SLCO3A1: variants seen among roughly 807,000 people sequenced by gnomAD.
SLCO3A1 encodes solute carrier organic anion transporter family member 3A1.
SLCO3A1 carries 27 observed loss-of-function variants against 63.1 expected under a neutral mutation model. The ratio of observed to expected loss-of-function variants is 0.43; its 90% confidence interval spans 0.32 to 0.59. The LOEUF is 0.59. Ranked by LOEUF, SLCO3A1 falls within the 20% of genes least tolerant of loss-of-function variation. The probability of loss-of-function intolerance (pLI) is 0.09; values close to 1 mark genes in which losing one functional copy is unlikely to be tolerated. For synonymous variants in SLCO3A1, 473 were observed against 409.9 expected, an observed-to-expected ratio of 1.15 and a Z score of -1.86; for missense variants, 773 against 945.8, an observed-to-expected ratio of 0.82 and a Z score of 2.40.
rs572616172 is a variant in SLCO3A1 at position 91,900,403 on chromosome 15, C to G, written c.181-15590C>G. On this transcript the variant is annotated intron_variant, in intron 1 of 9. Coordinates refer to ENST00000318445, the MANE Select transcript of SLCO3A1 (RefSeq NM_013272.4). The surrounding 1 kb of genome is among the most constrained non-coding windows in gnomAD (Gnocchi z 4.3). ...GGAGTGCAGTGGTGTGATCTCAGCT[C>G]ACTGCAACCTCCACTTCCTGGGTTC... 6.6e-6 allele frequency among the ~76,000 whole-genome samples: 1 copy of G among 152,312 alleles called. No individual in the cohort carries two copies. Among genetic ancestry groups the G allele is most frequent in the South Asian group, 2.1e-4 (1 of 4,826 alleles).
intron 2 of SLCO3A1, among the ~76,000 whole-genome samples, chr15:92,016,483 A>T (rs2046439321): frequency 6.6e-6 from 1 of 152,152 alleles, no homozygotes; most frequent in Admixed American, 6.5e-5. Flanking sequence ...AAAGGAAGGA[A>T]TGTCGTCCTG....
At chr15:91,938,718 C>T (rs1055990689) in intron 2 of SLCO3A1, among the ~76,000 whole-genome samples, 2 of 152,080 alleles carry the variant, frequency 1.3e-5, no homozygotes, top group Admixed American at 6.6e-5. Flanking sequence ...TGTGGTGATG[C>T]GGGATTTGAA....
At chr15:91,867,413 A>G (rs745957435) in intron 1 of SLCO3A1, among the ~76,000 whole-genome samples, 2 of 152,236 alleles carry the variant, frequency 1.3e-5, no homozygotes, top group Non-Finnish European at 2.9e-5. Flanking sequence ...CTGAGGACAA[A>G]ATGACACCTC....
chr15:92,164,651 T>C lies in SLCO3A1; in HGVS notation c.*1516T>C. ...AATAGACCCACAAGCTCCTGGAAGC[T>C]GTCGTGTGTCCAATGCGTGAAAATG... On this transcript the variant is annotated 3_prime_UTR_variant, in exon 10 of 10. Transcript: ENST00000318445. The C allele has an allele frequency of 1.0e-6, 1 of 985,412 alleles. No individual in the cohort carries two copies. The highest frequency in any genetic ancestry group is 4.7e-5 in the South Asian group (1 of 21,290). The allele number at this position is 985,412 out of a possible 1,614,324, so 61.0% of individuals were successfully genotyped here. A position where few individuals can be genotyped will look rare whatever the true frequency, so the allele number is the denominator to read the frequency against.
At chr15:92,152,223 G>C (rs1449028730) in intron 9 of SLCO3A1, among the ~76,000 whole-genome samples, 2 of 152,230 alleles carry the variant, frequency 1.3e-5, no homozygotes, top group African/African-American at 2.4e-5. Flanking sequence ...ATATATGAAA[G>C]AAAAATATTA....
intron 2 of SLCO3A1, among the ~76,000 whole-genome samples, chr15:91,926,945 TG>T (rs1450006722): frequency 1.3e-5 from 2 of 152,160 alleles, no homozygotes; most frequent in African/African-American, 4.8e-5. Flanking sequence ...ACAGGCATTT[TG>T]GGGTGAGATA....
intron 2 of SLCO3A1, among the ~76,000 whole-genome samples, chr15:91,995,733 GA>G (rs34688452): frequency 0.039 from 3,131 of 79,748 alleles, 94 homozygotes; most frequent in African/African-American, 0.12. Context: ...AGATTTTCTT[GA>G]AAAAAAAAAA....
rs1345679014 is a variant in SLCO3A1, at chr15:92,162,871, A to G, written c.1869A>G (p.Arg623=). The G allele has an allele frequency of 1.2e-6, 2 of 1,614,184 alleles. No individual in the cohort carries two copies. Among genetic ancestry groups the G allele is most frequent in the South Asian group, 1.1e-5 (1 of 91,074 alleles). ...TCCTCTACGACAATGTGGTCTACCGATACCTGTATGTCAGCATCGCCATCG... is the reference window on the plus strand; with the variant it reads ...TCCTCTACGACAATGTGGTCTACCGGTACCTGTATGTCAGCATCGCCATCG... ...ACVLYDNVVY[R]YLYVSIAIAL... The change falls in exon 10 of 10, where the codon CGA becomes CGG. Residue 623 remains arginine (R), a synonymous_variant. Coordinates refer to ENST00000318445, the MANE Select transcript of SLCO3A1 (RefSeq NM_013272.4).
At chr15:91,994,311 T>C (rs2046163870) in intron 2 of SLCO3A1, among the ~76,000 whole-genome samples, 1 of 152,228 alleles carries the variant, frequency 6.6e-6, no homozygotes, top group South Asian at 2.1e-4. Flanking sequence ...TTATATTTAC[T>C]TTTTAAAATT....
rs138448700 is a variant in SLCO3A1 at position 91,958,245 on chromosome 15, G to T, written c.646+41787G>T. On this transcript the variant is annotated intron_variant, in intron 2 of 9. Coordinates refer to ENST00000318445, the MANE Select transcript of SLCO3A1 (RefSeq NM_013272.4). The stretch of plus-strand genomic sequence containing the variant: ...CACTATTAGTAGTTAAGTTTTTGGG[G>T]AGTCAAAATTTATAGTCAGTGTTTT... Among the ~76,000 whole-genome samples the T allele has an allele frequency of 3.1e-4, 47 of 152,274 alleles. 1 individual carries two copies. Among genetic ancestry groups the T allele is most frequent in the African/African-American group, 1.1e-3 (44 of 41,552 alleles).
chr15:91,875,697 C>G lies in SLCO3A1; in HGVS notation c.180+21609C>G, dbSNP rs961782134. On this transcript the variant is annotated intron_variant, in intron 1 of 9. Transcript: ENST00000318445. This position sits in a 1 kb window ranked among gnomAD's most constrained non-coding sequence, Gnocchi z 4.5. The stretch of plus-strand genomic sequence containing the variant: ...TGCCGTAACTCACAATAGAGAAACA[C>G]AGGATGACTGAAAATCAGGTAATAA... Among the ~76,000 whole-genome samples the G allele has an allele frequency of 1.6e-4, 24 of 152,328 alleles. No individual in the cohort carries two copies. Among genetic ancestry groups the G allele is most frequent in the African/African-American group, 5.5e-4 (23 of 41,566 alleles).
At chr15:91,904,504 A>G (rs1898245648) in intron 1 of SLCO3A1, among the ~76,000 whole-genome samples, 1 of 152,194 alleles carries the variant, frequency 6.6e-6, no homozygotes, top group African/African-American at 2.4e-5. Context: ...TCAACATCCA[A>G]TTAGCAGTTA....
In SLCO3A1 at chr15:92,145,246, A is replaced by AGGT. The variant is rs147284209; in HGVS notation, c.1513-1733_1513-1731dup. On this transcript the variant is annotated intron_variant, in intron 7 of 9. Coordinates refer to ENST00000318445, the MANE Select transcript of SLCO3A1 (RefSeq NM_013272.4). ...GAGAGCGTGGGAGAAAAGGAAATGC[A>AGGT]GGTGGTGAGCTAAATAGCTAGAAAA... Among the ~76,000 whole-genome samples, 314 of 152,330 alleles carry AGGT rather than the reference A, an allele frequency of 2.1e-3. 1 individual carries two copies. Among genetic ancestry groups the AGGT allele is most frequent in the Admixed American group, 3.5e-3 (54 of 15,302 alleles).
intron 2 of SLCO3A1, among the ~76,000 whole-genome samples, chr15:91,987,243 A>G (rs753506951): frequency 2.0e-5 from 3 of 152,180 alleles, no homozygotes; most frequent in Non-Finnish European, 1.5e-5. Flanking sequence ...GGGGGAGCAT[A>G]CATCTGCCTT....
At position 91,882,773 on chromosome 15, in the gene SLCO3A1, C is replaced by T. The variant is rs905592519; in HGVS notation, c.180+28685C>T. ...CTGACCTCAGGTCATCTGCCCATCT[C>T]GGCCTTCCAAAGTGCTGAGATTACA... On this transcript the variant is annotated intron_variant, in intron 1 of 9. Transcript: ENST00000318445. The surrounding 1 kb of genome is among the most constrained non-coding windows in gnomAD (Gnocchi z 4.4). Among the ~76,000 whole-genome samples the T allele has an allele frequency of 4.6e-5, 7 of 152,186 alleles. No individual in the cohort carries two copies. In the South Asian group the frequency reaches 6.2e-4, roughly 14 times the overall value.
intron 2 of SLCO3A1, among the ~76,000 whole-genome samples, chr15:92,044,306 G>A (rs1464599612): frequency 1.3e-5 from 2 of 151,962 alleles, no homozygotes; most frequent in South Asian, 2.1e-4. Flanking sequence ...CCAATTTCAC[G>A]AACCCCTGTT....
chr15:92,056,195 G>A (rs1337149661), intron 2 of SLCO3A1, among the ~76,000 whole-genome samples: 2 of 152,030 alleles, frequency 1.3e-5, no homozygotes, highest in South Asian at 2.1e-4. Flanking sequence ...TCCAGGTTCC[G>A]GTTCCTTCGT....
intron 2 of SLCO3A1, among the ~76,000 whole-genome samples, chr15:92,074,366 A>G (rs2151517574): frequency 6.6e-6 from 1 of 152,284 alleles, no homozygotes; most frequent in Middle Eastern, 3.4e-3. Context: ...GCTGTGCACA[A>G]TTTGTCTCTT....
intron 1 of SLCO3A1, among the ~76,000 whole-genome samples, chr15:91,884,412 G>A (rs1333506838): frequency 2.0e-5 from 3 of 151,102 alleles, no homozygotes; most frequent in East Asian, 3.9e-4. Flanking sequence ...TTGGGAGGCT[G>A]AAGCAGGAGA....
Sources: gnomAD v4.1 joint callset for allele counts (sites outside exome capture counted in the v4.1 genomes callset) on GRCh38, gnomAD v4.1.1 for gene constraint, Gnocchi (gnomAD v3.1) non-coding constraint, MANE v1.5 for transcripts, NCBI Gene and HGNC (gene_info 2026-07-23, HGNC 2026-07-21) for gene names.